MYRFL: variants seen among roughly 807,000 people sequenced by gnomAD.
MYRFL encodes the protein myelin regulatory factor-like protein.
A neutral mutation model predicts 109.4 loss-of-function variants in MYRFL; 88 were observed. The observed-to-expected ratio is 0.80, with a 90% confidence interval of 0.68 to 0.96. The LOEUF is 0.96. MYRFL is among the 40% of genes least tolerant of loss of function. The probability of loss-of-function intolerance (pLI) is 0.00; values close to 1 mark genes in which losing one functional copy is unlikely to be tolerated. For synonymous variants in MYRFL, 324 were observed against 320.9 expected, an observed-to-expected ratio of 1.01 and a Z score of -0.10; for missense variants, 957 against 954.9, an observed-to-expected ratio of 1.00 and a Z score of -0.03.
At chr12:69,835,288 T>C (rs1882866733) in intron 1 of MYRFL, among the ~76,000 whole-genome samples, 1 of 152,204 alleles carries the variant, frequency 6.6e-6, no homozygotes, top group Admixed American at 6.5e-5. Flanking sequence ...CTGGCTCAGA[T>C]CTGAACTAAA....
chr12:69,915,527 T>A lies in MYRFL; in HGVS notation c.1602+4597T>A, dbSNP rs1954703662. Among the ~76,000 whole-genome samples the A allele has an allele frequency of 2.0e-5, 3 of 152,222 alleles. No individual in the cohort carries two copies. The South Asian group carries it at 6.2e-4, about 32-fold the overall frequency. ...AATGTCTGGATCTTTATAGACTGTC[T>A]ATGCAAGCAACCAAAGGGGGTGATC... On this transcript the variant is annotated intron_variant, in intron 13 of 24. Coordinates refer to ENST00000552032, the MANE Select transcript of MYRFL (RefSeq NM_182530.3).
At chr12:69,875,514 C>T (rs1023583438) in intron 2 of MYRFL, among the ~76,000 whole-genome samples, 5 of 152,200 alleles carry the variant, frequency 3.3e-5, no homozygotes, top group Admixed American at 3.3e-4. Context: ...AGCTAGGCCA[C>T]ATTTTTCTGG....
chr12:69,829,796 C>T (rs755886960), intron 1 of MYRFL, among the ~76,000 whole-genome samples: 1 of 152,112 alleles, frequency 6.6e-6, no homozygotes, highest in African/African-American at 2.4e-5. Flanking sequence ...TATTATTTCT[C>T]TAAAATGTGA....
chr12:69,911,073 A>C, intron 13 of MYRFL, 143 bp downstream of exon 13: 1 of 494,864 alleles, frequency 2.0e-6, no homozygotes. Flanking sequence ...GTGAGTAGGT[A>C]TCAACTCTCT....
chr12:69,836,487 T>A (rs1330351331), intron 1 of MYRFL, among the ~76,000 whole-genome samples: 3 of 152,114 alleles, frequency 2.0e-5, no homozygotes, highest in African/African-American at 7.2e-5. Context: ...TGATTATAAT[T>A]CCACAAGATA....
At chr12:69,871,522 G>A (rs572651824) in intron 2 of MYRFL, among the ~76,000 whole-genome samples, 3 of 152,002 alleles carry the variant, frequency 2.0e-5, no homozygotes, top group Non-Finnish European at 4.4e-5. Context: ...GTGGGCCACC[G>A]CGCCTGGCCC....
At chr12:69,846,637 G>A (rs972529882) in intron 1 of MYRFL, among the ~76,000 whole-genome samples, 11 of 152,198 alleles carry the variant, frequency 7.2e-5, no homozygotes, top group African/African-American at 2.2e-4. Flanking sequence ...TTGCTATTGC[G>A]AATAGTGCCG....
At chr12:69,843,908 A>G (rs1290846053) in intron 1 of MYRFL, among the ~76,000 whole-genome samples, 2 of 152,216 alleles carry the variant, frequency 1.3e-5, no homozygotes, top group African/African-American at 4.8e-5. Flanking sequence ...CTACAGAAGT[A>G]AAGAGTGGAA....
intron 11 of MYRFL, among the ~76,000 whole-genome samples, chr12:69,908,891 G>T (rs1954463956): frequency 1.3e-5 from 2 of 152,008 alleles, no homozygotes; most frequent in South Asian, 4.2e-4. Context: ...TGTTTTTCCT[G>T]ATCCTCTCCC....
At chr12:69,905,165 T>C (rs1244274173) in intron 11 of MYRFL, among the ~76,000 whole-genome samples, 1 of 152,210 alleles carries the variant, frequency 6.6e-6, no homozygotes, top group African/African-American at 2.4e-5. Flanking sequence ...CCAACTCAAA[T>C]TTATCCTTGC....
intron 19 of MYRFL, chr12:69,946,443 A>G (rs1463362977): frequency 6.7e-6 from 1 of 149,938 alleles, no homozygotes; most frequent in African/African-American, 2.5e-5. Context: ...AATCTCAGAG[A>G]ACAGCTACGC....
At chr12:69,924,950 G>T (rs981865527) in intron 13 of MYRFL, among the ~76,000 whole-genome samples, 1 of 152,178 alleles carries the variant, frequency 6.6e-6, no homozygotes, top group East Asian at 1.9e-4. Context: ...TTTCCAGTGG[G>T]CAAAGGCATG....
intron 9 of MYRFL, 32 bp downstream of exon 9, chr12:69,895,513 G>A: frequency 2.6e-6 from 4 of 1,517,780 alleles, no homozygotes; most frequent in Non-Finnish European, 3.5e-6. Context: ...TGGCAGTGTG[G>A]CTGGGTACTT....
At chr12:69,859,614 T>C (rs987288055) in intron 2 of MYRFL, among the ~76,000 whole-genome samples, 1 of 152,190 alleles carries the variant, frequency 6.6e-6, no homozygotes, top group Non-Finnish European at 1.5e-5. Flanking sequence ...CCTTTTTATC[T>C]CCTTTTTCTT....
In MYRFL at chr12:69,864,329, A is replaced by AT. The variant is rs1017605631; in HGVS notation, c.137+8968dup. Among the ~76,000 whole-genome samples the AT allele has an allele frequency of 9.4e-5, 14 of 148,274 alleles. No homozygotes were observed. The East Asian group carries it at 1.2e-3, about 13-fold the overall frequency. On this transcript the variant is annotated intron_variant, in intron 2 of 24. Transcript: ENST00000552032. ...TGCACAGGTCACTGAGGCTCAGTTC[A>AT]TTTTTTTTTCAATCTTTTTTCTCTC...
intron 16 of MYRFL, 27 bp from the exon 17 acceptor site, chr12:69,936,078 GTTTTTTTT>G (rs71098067): frequency 7.3e-4 from 651 of 893,220 alleles, no homozygotes; most frequent in Non-Finnish European, 7.9e-4. Context: ...GCCACATAAT[GTTTTTTTT>G]TTTTTTTTTT....
At chr12:69,925,011 A>G (rs1592842306) in intron 13 of MYRFL, among the ~76,000 whole-genome samples, 1 of 152,332 alleles carries the variant, frequency 6.6e-6, no homozygotes, top group South Asian at 2.1e-4. Flanking sequence ...TCTGCCTGCC[A>G]CAAACTCATG....
At chr12:69,893,144 A>G (rs918442489) in intron 7 of MYRFL, among the ~76,000 whole-genome samples, 7 of 152,234 alleles carry the variant, frequency 4.6e-5, no homozygotes, top group Non-Finnish European at 7.3e-5. Flanking sequence ...CTCTTGATGT[A>G]GGCCACCAGT....
intron 2 of MYRFL, among the ~76,000 whole-genome samples, chr12:69,874,280 C>T (rs990169158): frequency 2.6e-5 from 4 of 152,198 alleles, no homozygotes; most frequent in African/African-American, 9.7e-5. Context: ...TGGGCTCAAG[C>T]GATCCTTCAG....
Sources: gnomAD v4.1 joint callset for allele counts (sites outside exome capture counted in the v4.1 genomes callset) on GRCh38, gnomAD v4.1.1 for gene constraint, MANE v1.5 for transcripts, NCBI Gene and HGNC (gene_info 2026-07-23, HGNC 2026-07-21) for gene names.